The following SETD2 variants were observed in gnomAD, a reference collection of about 807,000 sequenced individuals.
SETD2 encodes the protein histone-lysine N-methyltransferase SETD2.
Under a neutral mutation model 242.1 loss-of-function variants are expected in SETD2, and 31 were observed. That is an observed-to-expected ratio of 0.13 (90% CI 0.10 to 0.17). The LOEUF is 0.17. SETD2 is among the 10% of genes least tolerant of loss of function. SETD2 has a pLI of 1.00. For synonymous variants in SETD2, 1,006 were observed against 1,066.5 expected (o/e 0.94, Z 1.11); for missense variants, 2,481 against 3,046.3 (o/e 0.81, Z 4.37).
intron 13 of SETD2, among the ~76,000 whole-genome samples, chr3:47,062,789 A>AT (rs891797350): frequency 4.6e-4 from 68 of 149,008 alleles, no homozygotes; most frequent in East Asian, 1.2e-3. Context: ...AGAAAAGTTT[A>AT]TTTTTTTTTT....
intron 6 of SETD2, among the ~76,000 whole-genome samples, chr3:47,104,610 C>G (rs2107691353): frequency 6.6e-6 from 1 of 152,240 alleles, no homozygotes; most frequent in Non-Finnish European, 1.5e-5. Flanking sequence ...ACTATTGTTA[C>G]AGTTAAGTCC....
At chr3:47,119,647 C>G (rs948403215) in intron 3 of SETD2, 3 of 331,578 alleles carry the variant, frequency 9.0e-6, no homozygotes, top group Admixed American at 7.7e-5. Flanking sequence ...CTTTTGCCTC[C>G]TGCCGCAATT....
At chr3:47,068,039 T>C (rs2040641017) in intron 12 of SETD2, among the ~76,000 whole-genome samples, 1 of 152,234 alleles carries the variant, frequency 6.6e-6, no homozygotes, top group Non-Finnish European at 1.5e-5. Flanking sequence ...ATCTAAGGCC[T>C]AGAACCTATT....
intron 1 of SETD2, among the ~76,000 whole-genome samples, chr3:47,158,252 G>A (rs557709896): frequency 6.6e-6 from 1 of 152,250 alleles, no homozygotes; most frequent in South Asian, 2.1e-4. Context: ...TCTCAATCTA[G>A]TGGATTTTGA....
At chr3:47,142,889 G>C (rs2043764712) in intron 1 of SETD2, among the ~76,000 whole-genome samples, 2 of 152,128 alleles carry the variant, frequency 1.3e-5, no homozygotes. Context: ...GGCTGGTCTT[G>C]AACTCCTGAC....
At chr3:47,094,357 T>C (rs1024650156) in intron 9 of SETD2, among the ~76,000 whole-genome samples, 3 of 152,222 alleles carry the variant, frequency 2.0e-5, no homozygotes, top group African/African-American at 7.2e-5. Flanking sequence ...GATGCAATCA[T>C]AAGAACAAGG....
At chr3:47,048,383 C>T (rs755683218) in intron 15 of SETD2, among the ~76,000 whole-genome samples, 2 of 151,632 alleles carry the variant, frequency 1.3e-5, no homozygotes, top group African/African-American at 2.4e-5. Context: ...AGCGAGATGC[C>T]GTCTCAAAAA....
In SETD2 at chr3:47,059,455, T is replaced by TA. The variant is rs2040241225; in HGVS notation, c.6294-1966_6294-1965insT. Among the ~76,000 whole-genome samples the TA allele has an allele frequency of 2.0e-5, 3 of 151,286 alleles. No individual in the cohort carries two copies. The South Asian group carries it at 6.3e-4, about 32-fold the overall frequency. ...TTTTTTTTGAGACGGAGTCTTGCTC[T>TA]GTCACCCAGGCTGGAGTGCAGTGGC... On this transcript the variant is annotated intron_variant, in intron 14 of 20. Coordinates refer to ENST00000409792, the MANE Select transcript of SETD2 (RefSeq NM_014159.7).
chr3:47,030,378 C>T (rs942230728), intron 18 of SETD2, among the ~76,000 whole-genome samples: 2 of 151,962 alleles, frequency 1.3e-5, no homozygotes, highest in African/African-American at 4.8e-5. Flanking sequence ...ACAGAAACCA[C>T]GCAAACTGAA....
At position 47,016,860 on chromosome 3, in the gene SETD2, C is replaced by A; in HGVS notation, c.*233G>T. On this transcript the variant is annotated 3_prime_UTR_variant, in exon 21 of 21. Coordinates refer to ENST00000409792, the MANE Select transcript of SETD2 (RefSeq NM_014159.7). ...GTCTGGCCAGGGTCTTTTCTAAGCC[C>A]TTGCACCTCTGATGGCTTCTAACCA... The A allele has an allele frequency of 1.9e-6, 1 of 516,524 alleles. No individual in the cohort carries two copies. The highest frequency in any genetic ancestry group is 3.5e-6 in the Non-Finnish European group (1 of 288,554). The allele number at this position is 516,524 out of a possible 1,614,324, so 32.0% of individuals were successfully genotyped here.
intron 18 of SETD2, among the ~76,000 whole-genome samples, chr3:47,021,887 G>A (rs751875313): frequency 1.8e-4 from 28 of 152,214 alleles, no homozygotes; most frequent in African/African-American, 5.5e-4. Flanking sequence ...GGTGGCTCAC[G>A]CCTGTAATCC....
intron 11 of SETD2, 35 bp downstream of exon 11, chr3:47,086,160 G>A (rs1284897790): frequency 1.0e-5 from 16 of 1,607,612 alleles, no homozygotes; most frequent in African/African-American, 5.4e-5. Flanking sequence ...CAATATAACA[G>A]TTTTAAGAAA....
chr3:47,143,659 A>G (rs1022625931), intron 1 of SETD2, among the ~76,000 whole-genome samples: 2 of 152,244 alleles, frequency 1.3e-5, no homozygotes, highest in African/African-American at 4.8e-5. Flanking sequence ...AACTTTTATC[A>G]GAACTTTATC....
chr3:47,089,873 A>T (rs2041722470), intron 9 of SETD2, among the ~76,000 whole-genome samples: 1 of 152,186 alleles, frequency 6.6e-6, no homozygotes, highest in African/African-American at 2.4e-5. Context: ...GAACAAAGGA[A>T]AATAAGAAAT....
chr3:47,124,152 C>A lies in SETD2; in HGVS notation c.484G>T (p.Ala162Ser), dbSNP rs1375690681. The A allele has an allele frequency of 6.4e-7, 1 of 1,551,924 alleles. No individual in the cohort carries two copies. The highest frequency in any genetic ancestry group is 8.7e-7 in the Non-Finnish European group (1 of 1,147,040). The change falls in exon 3 of 21, where the codon GCA becomes TCA. Residue 162 changes from alanine to serine, a missense_variant. Physicochemically the swap from Ala to Ser is moderately conservative, Grantham distance 99. Transcript: ENST00000409792. The stretch of plus-strand genomic sequence containing the variant: ...GCATGAGTAGGTGGAGATGCTACTG[C>A]TGTGGTAGTAGCCAGCAGTGGCCTG... ...TSRPLLATTT[A>S]VASPPTHAAP...
intron 18 of SETD2, among the ~76,000 whole-genome samples, chr3:47,024,735 T>C (rs1266029636): frequency 2.0e-5 from 3 of 152,284 alleles, no homozygotes; most frequent in African/African-American, 7.2e-5. Context: ...TAACATAACA[T>C]AGTTAGAGGA....
chr3:47,140,168 A>G (rs546709735), intron 1 of SETD2, among the ~76,000 whole-genome samples: 1 of 152,334 alleles, frequency 6.6e-6, no homozygotes, highest in Non-Finnish European at 1.5e-5. Flanking sequence ...ACGGAATTCT[A>G]ATCAGTGAGG....
intron 1 of SETD2, among the ~76,000 whole-genome samples, chr3:47,152,451 G>A (rs2044008311): frequency 6.6e-6 from 1 of 152,138 alleles, no homozygotes; most frequent in Admixed American, 6.5e-5. Flanking sequence ...TCTATAGAAA[G>A]AGTTTTTACA....
intron 12 of SETD2, among the ~76,000 whole-genome samples, chr3:47,082,924 C>T (rs752013626): frequency 3.3e-5 from 5 of 152,108 alleles, no homozygotes; most frequent in African/African-American, 7.2e-5. Flanking sequence ...GCTTCATCTC[C>T]GGCAGAAGAA....
Sources: gnomAD v4.1 joint callset for allele counts (sites outside exome capture counted in the v4.1 genomes callset) on GRCh38, gnomAD v4.1.1 for gene constraint, MANE v1.5 for transcripts, NCBI Gene and HGNC (gene_info 2026-07-23, HGNC 2026-07-21) for gene names.